The following ZNF14 variants were observed in gnomAD, a reference collection of about 807,000 sequenced individuals.
ZNF14 encodes gonadotropin inducible transcription repressor-4.
In ZNF14, 9 loss-of-function variants were observed where a neutral mutation model predicts 11.3. The ratio of observed to expected loss-of-function variants is 0.80; its 90% CI spans 0.48 to 1.39. ZNF14 has a LOEUF of 1.39. Ranked by LOEUF, ZNF14 falls within the 40% of genes most tolerant of loss-of-function variation. ZNF14 has a pLI of 0.00. For missense variants in ZNF14, 711 were observed against 763.9 expected (o/e 0.93, Z 0.82); for synonymous variants, 239 against 245.7 (o/e 0.97, Z 0.25).
At position 19,711,226 on chromosome 19, in the gene ZNF14, G is replaced by T. The variant is rs2062358421; in HGVS notation, c.*126C>A. The T allele has an allele frequency of 2.7e-6, 3 of 1,123,640 alleles. No individual in the cohort carries two copies. Among genetic ancestry groups the T allele is most frequent in the African/African-American group, 1.6e-5 (1 of 63,886 alleles). 69.6% of individuals were successfully genotyped at this position (1,123,640 alleles called of 1,614,324 possible). A position where few individuals can be genotyped will look rare whatever the true frequency, so the allele number is the denominator to read the frequency against. On this transcript the variant is annotated 3_prime_UTR_variant, in exon 4 of 4. Coordinates refer to ENST00000344099, the MANE Select transcript of ZNF14 (RefSeq NM_021030.3). The stretch of plus-strand genomic sequence containing the variant: ...AGTGGGAATTCTTTCGTGCTCAAAA[G>T]AAACTGGAACAATTAAGGGCTTTAG...
intron 1 of ZNF14, among the ~76,000 whole-genome samples, chr19:19,719,125 A>G (rs2062385520): frequency 6.6e-6 from 1 of 152,308 alleles, no homozygotes; most frequent in South Asian, 2.1e-4. Flanking sequence ...TTAAAACATT[A>G]TAAGACAAAA....
rs575927194 is a variant in ZNF14, at chr19:19,723,690, C to A, written c.4-9203G>T. ...CTACTCTTTGTACCTCTGGTAGAAT[C>A]TGGCTGTGAATCCATCTGGTCCTGG... is the stretch of plus-strand genomic sequence containing the variant. On this transcript the variant is annotated intron_variant, in intron 1 of 3. Coordinates refer to ENST00000344099, the MANE Select transcript of ZNF14 (RefSeq NM_021030.3). Among the ~76,000 whole-genome samples, 2 of 132,102 alleles carry A rather than the reference C, an allele frequency of 1.5e-5. 1 individual carries two copies. Among genetic ancestry groups the A allele is most frequent in the Non-Finnish European group, 3.4e-5 (2 of 59,660 alleles). 86.7% of individuals were successfully genotyped at this position (132,102 alleles called of 152,430 possible). A position where few individuals can be genotyped will look rare whatever the true frequency, so the allele number is the denominator to read the frequency against.
intron 1 of ZNF14, among the ~76,000 whole-genome samples, chr19:19,732,044 C>A (rs1230192985): frequency 3.3e-5 from 5 of 152,118 alleles, no homozygotes; most frequent in Admixed American, 2.0e-4. Flanking sequence ...CCATCCCGGG[C>A]GACAGAGCGA....
chr19:19,730,610 T>C (rs1209806759), intron 1 of ZNF14, among the ~76,000 whole-genome samples: 1 of 152,166 alleles, frequency 6.6e-6, no homozygotes, highest in Non-Finnish European at 1.5e-5. Flanking sequence ...AGACTTGGAA[T>C]AACATAAGAA....
Position 19,723,708 on chromosome 19 carries a change from G to A in ZNF14, c.4-9221C>T, listed in dbSNP as rs1199613855. On this transcript the variant is annotated intron_variant, in intron 1 of 3. Transcript: ENST00000344099. ...GTAGAATCTGGCTGTGAATCCATCT[G>A]GTCCTGGGCTTTTTTTGGTTGGTAC... Among the ~76,000 whole-genome samples the A allele has an allele frequency of 3.8e-5, 5 of 132,542 alleles. 1 individual carries two copies. Among genetic ancestry groups the A allele is most frequent in the Non-Finnish European group, 8.4e-5 (5 of 59,862 alleles). The allele number at this position is 132,542 out of a possible 152,430, so 87.0% of individuals were successfully genotyped here.
In ZNF14 at chr19:19,725,245, C is replaced by T. The variant is rs1268444175; in HGVS notation, c.3+7711G>A. 1.5e-5 allele frequency among the ~76,000 whole-genome samples: 2 copies of T among 133,678 alleles called. 1 individual carries two copies. The highest frequency in any genetic ancestry group is 3.3e-5 in the Non-Finnish European group (2 of 60,190). The allele number at this position is 133,678 out of a possible 152,430, so 87.7% of individuals were successfully genotyped here. The stretch of plus-strand genomic sequence containing the variant: ...TTGTTCCCTTCCATGTTTAGTGCTT[C>T]CCTCAGGAGCTCTTTTAGGGCAGGC... On this transcript the variant is annotated intron_variant, in intron 1 of 3. Transcript: ENST00000344099.
At chr19:19,716,819 T>C (rs923145338) in intron 1 of ZNF14, among the ~76,000 whole-genome samples, 10 of 152,208 alleles carry the variant, frequency 6.6e-5, no homozygotes, top group African/African-American at 2.4e-4. Flanking sequence ...GTAACAGTTT[T>C]GTAATATTCC....
In ZNF14 at chr19:19,712,586, A is replaced by C; in HGVS notation, c.695T>G (p.Phe232Cys). Residue 232 changes from phenylalanine to cysteine, a missense_variant, in exon 4 of 4, where the codon TTT becomes TGT. Coordinates refer to ENST00000344099, the MANE Select transcript of ZNF14 (RefSeq NM_021030.3). The part of the protein sequence containing the change: ...PYECKQCGKA[F>C]ICYQSFQRHK... ...TCTTTGAAAAGATTGGTAACATATAAAGGCTTTCCCACACTGTTTACATTC... is the reference window on the plus strand; with the variant it reads ...TCTTTGAAAAGATTGGTAACATATACAGGCTTTCCCACACTGTTTACATTC... 1 of 1,613,110 alleles carries C rather than the reference A, an allele frequency of 6.2e-7. No homozygotes were observed. Among genetic ancestry groups the C allele is most frequent in the Non-Finnish European group, 8.5e-7 (1 of 1,179,748 alleles).
rs1311043232 is a variant in ZNF14, at chr19:19,712,173, T to TG, written c.1107dup (p.Lys370GlnfsTer13). 28 of 1,614,004 alleles carry TG rather than the reference T, an allele frequency of 1.7e-5. No homozygotes were observed. The highest frequency in any genetic ancestry group is 2.3e-5 in the Non-Finnish European group (27 of 1,180,020). On this transcript the variant is annotated frameshift_variant, in exon 4 of 4. Transcript: ENST00000344099. LOFTEE classifies it low-confidence loss of function (END_TRUNC). Reference sequence around the variant, plus strand: ...AGAGAAATGGACCAACTGAATGATTTGCCACATCGTTTACATTCATATGGT... The same window carrying TG: ...AGAGAAATGGACCAACTGAATGATTTGGCCACATCGTTTACATTCATATGGT...
At chr19:19,730,004 G>A (rs187682101) in intron 1 of ZNF14, among the ~76,000 whole-genome samples, 19 of 152,202 alleles carry the variant, frequency 1.2e-4, no homozygotes, top group African/African-American at 4.1e-4. Flanking sequence ...TGGCAAGCTT[G>A]GCTACAATAT....
rs56355771 is a variant in ZNF14 at position 19,728,515 on chromosome 19, CAAAAAAAA to C, written c.3+4433_3+4440del. On this transcript the variant is annotated intron_variant, in intron 1 of 3. Transcript: ENST00000344099. ...TGTGCGAAAGTGCGAAACTCCGTCT[CAAAAAAAA>C]AAAAAAAAAAAAACATATACTGGAA... Among the ~76,000 whole-genome samples, 7 of 53,926 alleles carry C rather than the reference CAAAAAAAA, an allele frequency of 1.3e-4. 1 individual carries two copies. The highest frequency in any genetic ancestry group is 2.0e-4 in the Non-Finnish European group (6 of 29,436). The allele number at this position is 53,926 out of a possible 152,430, so 35.4% of individuals were successfully genotyped here.
At position 19,712,995 on chromosome 19, in the gene ZNF14, T is replaced by C; in HGVS notation, c.286A>G (p.Thr96Ala). 2.5e-6 allele frequency: 4 copies of C among 1,614,164 alleles called. No individual in the cohort carries two copies. The highest frequency in any genetic ancestry group is 3.4e-6 in the Non-Finnish European group (4 of 1,180,030). ...TCATGTGGTTTTGCTCCAGTAAAAG[T>C]TTCCTTGTTGATATTAACATTTGGC... ...QMPNVNINKE[T>A]FTGAKPHECS... The change falls in exon 4 of 4, where the codon ACT becomes GCT. Residue 96 changes from threonine to alanine, a missense_variant. Thr to Ala is a moderately conservative substitution (Grantham distance 58). Transcript: ENST00000344099.
chr19:19,717,256 T>C (rs976096896), intron 1 of ZNF14, among the ~76,000 whole-genome samples: 10 of 152,242 alleles, frequency 6.6e-5, no homozygotes, highest in African/African-American at 2.4e-4. Flanking sequence ...AGGAGAGTGA[T>C]ATACTTAGCA....
Position 19,713,007 on chromosome 19 carries a change from T to C in ZNF14, c.274A>G (p.Ile92Val), listed in dbSNP as rs761307899. 3 of 1,614,040 alleles carry C rather than the reference T, an allele frequency of 1.9e-6. No individual in the cohort carries two copies. Among genetic ancestry groups the C allele is most frequent in the Non-Finnish European group, 2.5e-6 (3 of 1,180,026 alleles). ...ETTSQMPNVNINKETFTGAKP... is the reference protein window; with the variant it reads ...ETTSQMPNVNVNKETFTGAKP... ...GCTCCAGTAAAAGTTTCCTTGTTGA[T>C]ATTAACATTTGGCATCTGGCTAGTG... Residue 92 changes from isoleucine (I) to valine (V), a missense_variant, in exon 4 of 4, where the codon ATC becomes GTC. Transcript: ENST00000344099.
intron 1 of ZNF14, among the ~76,000 whole-genome samples, chr19:19,724,747 T>G (rs1201758808): frequency 3.7e-5 from 5 of 133,350 alleles, no homozygotes; most frequent in Non-Finnish European, 8.3e-5. Flanking sequence ...AGGGCTTGCT[T>G]TATGAATCTG....
At position 19,724,076 on chromosome 19, in the gene ZNF14, T is replaced by A. The variant is rs189846183; in HGVS notation, c.3+8880A>T. On this transcript the variant is annotated intron_variant, in intron 1 of 3. Transcript: ENST00000344099. ...TTTTGAAGAGTTTTTTGTGTCTCTA[T>A]CTCCTTCAGTTCTGCTCTGATCTTA... Among the ~76,000 whole-genome samples, 1,001 of 133,406 alleles carry A rather than the reference T, an allele frequency of 7.5e-3. 211 individuals are homozygous for A. The highest frequency in any genetic ancestry group is 0.013 in the Non-Finnish European group (757 of 60,100). 87.5% of individuals were successfully genotyped at this position (133,406 alleles called of 152,430 possible).
intron 1 of ZNF14, among the ~76,000 whole-genome samples, chr19:19,731,959 T>A (rs1005637434): frequency 2.0e-5 from 3 of 151,908 alleles, no homozygotes; most frequent in Non-Finnish European, 2.9e-5. Flanking sequence ...TCCCAGCTAC[T>A]GGGAAGGCTG....
At chr19:19,716,214 G>A (rs1256316974) in intron 1 of ZNF14, among the ~76,000 whole-genome samples, 1 of 152,190 alleles carries the variant, frequency 6.6e-6, no homozygotes, top group East Asian at 1.9e-4. Flanking sequence ...AAATGAGGGT[G>A]ACCCAGGCTT....
chr19:19,730,609 A>G (rs560245698), intron 1 of ZNF14, among the ~76,000 whole-genome samples: 11 of 152,302 alleles, frequency 7.2e-5, no homozygotes, highest in African/African-American at 2.6e-4. Context: ...CAGACTTGGA[A>G]TAACATAAGA....
Sources: gnomAD v4.1 joint callset for allele counts (sites outside exome capture counted in the v4.1 genomes callset) on GRCh38, gnomAD v4.1.1 for gene constraint, MANE v1.5 for transcripts, NCBI Gene and HGNC (gene_info 2026-07-23, HGNC 2026-07-21) for gene names.